Variants in SCN8A observed in about 807,000 individuals in gnomAD.
SCN8A encodes the protein sodium channel protein type 8 subunit alpha.
In SCN8A, 30 loss-of-function variants were observed where a neutral mutation model predicts 184.1. The ratio of observed to expected loss-of-function variants is 0.16; its 90% confidence interval spans 0.12 to 0.22. The LOEUF is 0.22. Among genes scored for constraint, SCN8A ranks in the 10% least tolerant of loss-of-function variants. SCN8A has a pLI of 1.00. For synonymous variants in SCN8A, 852 were observed against 907.0 expected (o/e 0.94, Z 1.09); for missense variants, 1,057 against 2,498.9 (o/e 0.42, Z 12.30).
In SCN8A at chr12:51,796,170, TA is replaced by T. The variant is rs555832417; in HGVS notation, c.4795+1531del. On this transcript the variant is annotated intron_variant, in intron 26 of 26. Coordinates refer to ENST00000627620, the MANE Select transcript of SCN8A (RefSeq NM_001330260.2). Reference sequence around the variant, plus strand: ...ACACATTATGTGCCAGGTACCATAATAAGTGCTTTAAATATGTTAATTCATA... The same window carrying T: ...ACACATTATGTGCCAGGTACCATAATAGTGCTTTAAATATGTTAATTCATA... 2.4e-3 allele frequency among the ~76,000 whole-genome samples: 370 copies of T among 152,334 alleles called. 1 individual carries two copies. The highest frequency in any genetic ancestry group is 8.4e-3 in the African/African-American group (351 of 41,572).
intron 12 of SCN8A, among the ~76,000 whole-genome samples, chr12:51,741,171 A>G (rs1265970261): frequency 1.3e-5 from 2 of 152,138 alleles, no homozygotes; most frequent in Non-Finnish European, 2.9e-5. Flanking sequence ...TATAATTGCT[A>G]TATCCTTTTG....
chr12:51,788,787 G>T, intron 23 of SCN8A, 39 bp downstream of exon 23: 1 of 1,583,582 alleles, frequency 6.3e-7, no homozygotes, highest in South Asian at 1.1e-5. Flanking sequence ...CTTCTCAGAT[G>T]GCTGGAAAGC....
intron 1 of SCN8A, among the ~76,000 whole-genome samples, chr12:51,594,133 G>A (rs1448320897): frequency 6.6e-6 from 1 of 152,096 alleles, no homozygotes; most frequent in Admixed American, 6.6e-5. Context: ...AATTCACATG[G>A]TACCACCTCC....
At chr12:51,633,016 T>C (rs1940230867) in intron 1 of SCN8A, among the ~76,000 whole-genome samples, 1 of 152,208 alleles carries the variant, frequency 6.6e-6, no homozygotes, top group East Asian at 1.9e-4. Flanking sequence ...CTGCCTGCTC[T>C]GGGTTATTTT....
chr12:51,639,119 C>T (rs541092645), intron 1 of SCN8A, among the ~76,000 whole-genome samples: 1 of 151,910 alleles, frequency 6.6e-6, no homozygotes, highest in East Asian at 2.0e-4. Context: ...GCTGGGACTA[C>T]AGGCTTCAGC....
At chr12:51,759,240 A>AAT (rs898171250) in intron 14 of SCN8A, among the ~76,000 whole-genome samples, 35 of 151,112 alleles carry the variant, frequency 2.3e-4, no homozygotes, top group Non-Finnish European at 3.2e-4. Flanking sequence ...TATAAATGAA[A>AAT]ATATATATAT....
chr12:51,674,532 G>T (rs930990758), intron 2 of SCN8A, among the ~76,000 whole-genome samples: 1 of 152,016 alleles, frequency 6.6e-6, no homozygotes, highest in Non-Finnish European at 1.5e-5. Flanking sequence ...ACGGGGTTTT[G>T]CCATGTTGAC....
intron 1 of SCN8A, among the ~76,000 whole-genome samples, chr12:51,642,733 G>A (rs1243826481): frequency 2.0e-5 from 3 of 151,182 alleles, no homozygotes; most frequent in Non-Finnish European, 2.9e-5. Flanking sequence ...CCTTCCCATC[G>A]TTTTTGCCTC....
At chr12:51,798,022 G>A (rs1417425918) in intron 26 of SCN8A, among the ~76,000 whole-genome samples, 2 of 152,148 alleles carry the variant, frequency 1.3e-5, no homozygotes, top group Non-Finnish European at 2.9e-5. Flanking sequence ...CTGGACCCAT[G>A]AATCCTGGCT....
rs1938835084 is a variant in SCN8A at position 51,809,884 on chromosome 12, A to C, written c.*2455A>C. On this transcript the variant is annotated 3_prime_UTR_variant, in exon 27 of 27. Transcript: ENST00000627620. ...CATCCCCAAACCAGACAGACAGACA[A>C]AAAATTTTTTATTGCTAATGGTCTT... The C allele has an allele frequency of 6.6e-6, 1 of 152,244 alleles. No homozygotes were observed. The highest frequency in any genetic ancestry group is 2.4e-5 in the African/African-American group (1 of 41,468). 9.4% of individuals were successfully genotyped at this position (152,244 alleles called of 1,614,324 possible). A position where few individuals can be genotyped will look rare whatever the true frequency, so the allele number is the denominator to read the frequency against.
At chr12:51,599,400 A>G (rs1007516896) in intron 1 of SCN8A, among the ~76,000 whole-genome samples, 2 of 152,200 alleles carry the variant, frequency 1.3e-5, no homozygotes, top group Admixed American at 6.5e-5. Context: ...TTGATGGAAG[A>G]AGCATGATTT....
chr12:51,638,693 G>T (rs1332186383), intron 1 of SCN8A, among the ~76,000 whole-genome samples: 1 of 151,936 alleles, frequency 6.6e-6, no homozygotes, highest in Non-Finnish European at 1.5e-5. Flanking sequence ...CACCATGTCG[G>T]CCAGGATGGT....
chr12:51,706,589 C>G lies in SCN8A; in HGVS notation c.1509C>G (p.Leu503=). ...GAAAGAAGAGGAAGCAAAAGGAACT[C>G]TCTGAAGGAGAGGAGAAAGGGGATC... is the stretch of plus-strand genomic sequence containing the variant. ...NRRKKRKQKE[L]SEGEEKGDPE... Residue 503 remains leucine, a synonymous_variant, in exon 11 of 27, where the codon CTC becomes CTG. Coordinates refer to ENST00000627620, the MANE Select transcript of SCN8A (RefSeq NM_001330260.2). 6.2e-7 allele frequency: 1 copy of G among 1,608,736 alleles called. No individual in the cohort carries two copies. Among genetic ancestry groups the G allele is most frequent in the South Asian group, 1.1e-5 (1 of 89,910 alleles).
In SCN8A at chr12:51,679,950, C is replaced by T. The variant is rs566449011; in HGVS notation, c.277-4224C>T. 2.2e-3 allele frequency among the ~76,000 whole-genome samples: 337 copies of T among 151,954 alleles called. 1 individual carries two copies. The highest frequency in any genetic ancestry group is 3.2e-3 in the Non-Finnish European group (220 of 67,970). The stretch of plus-strand genomic sequence containing the variant: ...CATATTGGTCAGGCTGGTCTTGAAC[C>T]GCTGACCTCGTGATCCACTCACCTC... On this transcript the variant is annotated intron_variant, in intron 2 of 26. Coordinates refer to ENST00000627620, the MANE Select transcript of SCN8A (RefSeq NM_001330260.2).
intron 1 of SCN8A, among the ~76,000 whole-genome samples, chr12:51,618,508 C>G (rs866878511): frequency 1.2e-4 from 15 of 127,118 alleles, no homozygotes; most frequent in South Asian, 2.5e-4. Context: ...CACACACACA[C>G]AGAAAGAAAA....
chr12:51,693,322 G>GA (rs1301853806), intron 6 of SCN8A, among the ~76,000 whole-genome samples: 3 of 152,106 alleles, frequency 2.0e-5, no homozygotes, highest in Non-Finnish European at 4.4e-5. Context: ...GGTCCTAAGT[G>GA]AAAAAACACT....
chr12:51,774,159 T>C, intron 19 of SCN8A, 30 bp from the exon 20 acceptor site: 1 of 1,609,278 alleles, frequency 6.2e-7, no homozygotes, highest in Non-Finnish European at 8.5e-7. Context: ...CTTTAGGCAC[T>C]GTCATAGGCA....
intron 2 of SCN8A, among the ~76,000 whole-genome samples, chr12:51,673,791 A>C (rs1941174593): frequency 1.3e-5 from 2 of 152,176 alleles, no homozygotes; most frequent in African/African-American, 4.8e-5. Context: ...CTGGTATGTA[A>C]ACCTCAATAA....
At chr12:51,653,262 G>T (rs2138656103) in intron 1 of SCN8A, among the ~76,000 whole-genome samples, 1 of 152,324 alleles carries the variant, frequency 6.6e-6, no homozygotes, top group South Asian at 2.1e-4. Flanking sequence ...GGAGGTTGCA[G>T]TGAGCCGAGA....
Sources: gnomAD v4.1 joint callset for allele counts (sites outside exome capture counted in the v4.1 genomes callset) on GRCh38, gnomAD v4.1.1 for gene constraint, MANE v1.5 for transcripts, NCBI Gene and HGNC (gene_info 2026-07-23, HGNC 2026-07-21) for gene names.